Variants in HIVEP1 observed in about 807,000 individuals in gnomAD.
HIVEP1 encodes zinc finger protein 40.
A neutral mutation model predicts 180.0 loss-of-function variants in HIVEP1; 36 were observed. That is an observed-to-expected ratio of 0.20 (90% CI 0.15 to 0.26). The LOEUF (loss-of-function observed/expected upper bound fraction) is 0.26, where lower values mean the gene tolerates loss of function less well. HIVEP1 is among the 10% of genes least tolerant of loss of function. HIVEP1 has a pLI of 1.00. For synonymous variants in HIVEP1, 1,239 were observed against 1,239.0 expected (o/e 1.00, Z 0.00); for missense variants, 3,143 against 3,268.7 (o/e 0.96, Z 0.94).
intron 2 of HIVEP1, among the ~76,000 whole-genome samples, chr6:12,069,644 G>A (rs1771834758): frequency 2.0e-5 from 3 of 151,310 alleles, no homozygotes; most frequent in Admixed American, 6.6e-5. Context: ...AGTGGGTGCA[G>A]CGCACCAGCA....
chr6:12,167,308 T>C (rs1000909797), downstream of HIVEP1, among the ~76,000 whole-genome samples: 2 of 151,930 alleles, frequency 1.3e-5, no homozygotes, highest in African/African-American at 2.4e-5. Context: ...GTTCAAATTA[T>C]AACATCAGGG....
intron 7 of HIVEP1, among the ~76,000 whole-genome samples, chr6:12,143,038 G>A (rs1359589565): frequency 6.6e-6 from 1 of 152,126 alleles, no homozygotes; most frequent in African/African-American, 2.4e-5. Context: ...ATTTCATGAG[G>A]CCAGCATCAT....
At chr6:12,203,611 CA>C in the HIVEP1 span, among the ~76,000 whole-genome samples, 129 of 151,212 alleles carry the variant, frequency 8.5e-4, 1 homozygote, top group East Asian at 3.7e-3. Context: ...CAGGAAGAGA[CA>C]AAAAAAAGTC....
intron 3 of HIVEP1, among the ~76,000 whole-genome samples, chr6:12,109,386 C>T (rs1192287225): frequency 6.6e-6 from 1 of 152,170 alleles, no homozygotes; most frequent in African/African-American, 2.4e-5. Flanking sequence ...AGCATTTCAC[C>T]CAGAGTAAAA....
intron 3 of HIVEP1, among the ~76,000 whole-genome samples, chr6:12,101,260 G>A (rs940268898): frequency 6.6e-6 from 1 of 152,056 alleles, no homozygotes; most frequent in Non-Finnish European, 1.5e-5. Context: ...TTATTGAAAA[G>A]GCAAATAAGA....
At chr6:12,044,804 C>A (rs980136636) in intron 2 of HIVEP1, among the ~76,000 whole-genome samples, 1 of 143,420 alleles carries the variant, frequency 7.0e-6, no homozygotes, top group Non-Finnish European at 1.5e-5. Context: ...ACTGTGCCCC[C>A]CTCAAAGCCA....
At chr6:12,170,526 C>T in the HIVEP1 span, among the ~76,000 whole-genome samples, 4 of 152,146 alleles carry the variant, frequency 2.6e-5, no homozygotes, top group Non-Finnish European at 5.9e-5. Context: ...TGTGATGAAA[C>T]CTTGCCATGC....
intron 3 of HIVEP1, among the ~76,000 whole-genome samples, chr6:12,106,369 G>C (rs1180165511): frequency 6.6e-6 from 1 of 151,864 alleles, no homozygotes; most frequent in African/African-American, 2.4e-5. Context: ...TTTTCCGGGG[G>C]ATGGTGTGTT....
intron 2 of HIVEP1, among the ~76,000 whole-genome samples, chr6:12,032,626 A>G (rs1321026047): frequency 6.6e-6 from 1 of 152,150 alleles, no homozygotes; most frequent in African/African-American, 2.4e-5. Flanking sequence ...ATTGGATATA[A>G]TATTCCTACC....
In HIVEP1 at chr6:12,122,741, T is replaced by C; in HGVS notation, c.2946T>C (p.Cys982=). 6.2e-7 allele frequency: 1 copy of C among 1,613,232 alleles called. No homozygotes were observed. Among genetic ancestry groups the C allele is most frequent in the Non-Finnish European group, 8.5e-7 (1 of 1,179,788 alleles). Residue 982 remains cysteine (C), a synonymous_variant, in exon 4 of 9, where the codon TGT becomes TGC. Transcript: ENST00000379388. ...ENFENHKKFY[C]SELHGPKTKV... ...TTGAAAATCATAAGAAATTTTACTG[T>C]TCTGAGTTACATGGACCAAAAACAA...
chr6:12,090,884 G>A (rs1773433462), intron 3 of HIVEP1, among the ~76,000 whole-genome samples: 1 of 151,870 alleles, frequency 6.6e-6, no homozygotes, highest in Non-Finnish European at 1.5e-5. Context: ...TAGGAAGGAG[G>A]AAATGAAACA....
intron 7 of HIVEP1, among the ~76,000 whole-genome samples, chr6:12,157,091 T>C (rs1215158769): frequency 6.6e-6 from 1 of 152,226 alleles, no homozygotes; most frequent in Non-Finnish European, 1.5e-5. Flanking sequence ...TTCTTTGCTC[T>C]GAAGTCCACT....
At chr6:12,020,517 G>A (rs891722422) in intron 2 of HIVEP1, 7 of 459,048 alleles carry the variant, frequency 1.5e-5, no homozygotes, top group East Asian at 1.4e-4. Flanking sequence ...TCAGGCCTTC[G>A]CTTGGACCCT....
intron 2 of HIVEP1, among the ~76,000 whole-genome samples, chr6:12,060,669 A>G (rs1190444780): frequency 1.3e-5 from 2 of 152,164 alleles, no homozygotes; most frequent in Non-Finnish European, 2.9e-5. Context: ...GCTTGCTGAG[A>G]TACTGTGTCA....
At chr6:12,093,462 GTA>G (rs1240344293) in intron 3 of HIVEP1, among the ~76,000 whole-genome samples, 2 of 150,378 alleles carry the variant, frequency 1.3e-5, no homozygotes. Flanking sequence ...AAGGTCTTAA[GTA>G]TATATATATA....
intron 8 of HIVEP1, 21 bp downstream of exon 8, chr6:12,161,950 CTTTT>C (rs1760436565): frequency 6.4e-7 from 1 of 1,567,980 alleles, no homozygotes; most frequent in Middle Eastern, 1.7e-4. Flanking sequence ...GGCAGTTGTT[CTTTT>C]ATTTCTTTTT....
chr6:12,042,660 A>G lies in HIVEP1; in HGVS notation c.40+26992A>G, dbSNP rs528838487. The stretch of plus-strand genomic sequence containing the variant: ...AACATGTTTTCTATTCTAACCTGCA[A>G]TTATACAAATAGCCCTTCTAAAGTT... On this transcript the variant is annotated intron_variant, in intron 2 of 8. Transcript: ENST00000379388. Among the ~76,000 whole-genome samples the G allele has an allele frequency of 3.9e-5, 6 of 152,128 alleles. No homozygotes were observed. In the East Asian group the frequency reaches 5.8e-4, roughly 15 times the overall value.
chr6:12,177,163 G>A, the HIVEP1 span, among the ~76,000 whole-genome samples: 1 of 151,774 alleles, frequency 6.6e-6, no homozygotes, highest in African/African-American at 2.4e-5. Context: ...GGATCTACTT[G>A]AGGGTGGAGG....
chr6:12,181,402 T>G, the HIVEP1 span, among the ~76,000 whole-genome samples: 1 of 151,608 alleles, frequency 6.6e-6, no homozygotes, highest in South Asian at 2.1e-4. Context: ...AATAAAAATT[T>G]TTTTAGAAAC....
Sources: allele counts gnomAD v4.1 joint callset (sites outside exome capture counted in the v4.1 genomes callset), GRCh38; gene constraint gnomAD v4.1.1; transcripts MANE v1.5; gene names NCBI Gene and HGNC (gene_info 2026-07-23, HGNC 2026-07-21).